Variants in TSPAN5 observed in about 807,000 individuals in gnomAD.
TSPAN5 encodes tetraspanin 5, also known as tetraspanin-5.
Under a neutral mutation model 37.1 loss-of-function variants are expected in TSPAN5, and 10 were observed. That is an observed-to-expected ratio of 0.27 (90% CI 0.17 to 0.46). The LOEUF is 0.46. Among genes scored for constraint, TSPAN5 ranks in the 20% least tolerant of loss-of-function variants. TSPAN5 has a pLI of 1.00. For missense variants in TSPAN5, 195 were observed against 326.6 expected (o/e 0.60, Z 3.11); for synonymous variants, 110 against 118.9 (o/e 0.93, Z 0.48).
At chr4:98,653,540 C>T (rs1757234905) in intron 1 of TSPAN5, among the ~76,000 whole-genome samples, 2 of 152,082 alleles carry the variant, frequency 1.3e-5, no homozygotes, top group Admixed American at 1.3e-4. Flanking sequence ...TCTATTGAAT[C>T]CATTTGCCTC....
chr4:98,592,522 G>C (rs1267198164), intron 1 of TSPAN5, among the ~76,000 whole-genome samples: 2 of 145,898 alleles, frequency 1.4e-5, no homozygotes, highest in Admixed American at 7.0e-5. Flanking sequence ...TGCCATGCTG[G>C]TGCGCTGCAC....
chr4:98,539,263 G>A (rs1424393358), intron 1 of TSPAN5, among the ~76,000 whole-genome samples: 1 of 151,986 alleles, frequency 6.6e-6, no homozygotes. Context: ...ACAAATCTCT[G>A]TTTCTTATTT....
At chr4:98,628,468 GTTTAA>G (rs996630117) in intron 1 of TSPAN5, among the ~76,000 whole-genome samples, 4 of 152,052 alleles carry the variant, frequency 2.6e-5, no homozygotes, top group Non-Finnish European at 2.9e-5. Flanking sequence ...CCTGGTATTG[GTTTAA>G]TTTGAATTTT....
intron 1 of TSPAN5, among the ~76,000 whole-genome samples, chr4:98,594,132 T>G (rs1755710840): frequency 8.6e-6 from 1 of 116,478 alleles, no homozygotes; most frequent in Non-Finnish European, 1.7e-5. Context: ...TGGTTTGTAG[T>G]TCTCCTTGAA....
intron 1 of TSPAN5, among the ~76,000 whole-genome samples, chr4:98,610,683 T>C (rs1756161876): frequency 6.6e-6 from 1 of 152,186 alleles, no homozygotes; most frequent in Non-Finnish European, 1.5e-5. Flanking sequence ...GAGCTGCCTA[T>C]TCATTTAGGG....
intron 1 of TSPAN5, among the ~76,000 whole-genome samples, chr4:98,533,012 A>C (rs992880737): frequency 2.6e-5 from 4 of 152,172 alleles, no homozygotes; most frequent in Admixed American, 2.0e-4. Flanking sequence ...TGTATGTTGA[A>C]CCAGCCTTGC....
At chr4:98,577,173 A>C (rs1214385061) in intron 1 of TSPAN5, among the ~76,000 whole-genome samples, 1 of 152,070 alleles carries the variant, frequency 6.6e-6, no homozygotes, top group Non-Finnish European at 1.5e-5. Flanking sequence ...ATTTGAGAAA[A>C]AATTATTCAT....
intron 1 of TSPAN5, among the ~76,000 whole-genome samples, chr4:98,625,047 A>G (rs1022400863): frequency 6.6e-6 from 1 of 152,240 alleles, no homozygotes; most frequent in African/African-American, 2.4e-5. Context: ...AATGATAATA[A>G]CAACAACAAT....
At position 98,486,814 on chromosome 4, in the gene TSPAN5, A is replaced by C; in HGVS notation, c.203T>G (p.Val68Gly). The C allele has an allele frequency of 6.2e-7, 1 of 1,614,094 alleles. No homozygotes were observed. The highest frequency in any genetic ancestry group is 8.5e-7 in the Non-Finnish European group (1 of 1,180,008). The change falls in exon 3 of 8, where the codon GTG becomes GGG. Residue 68 changes from valine to glycine, a missense_variant. By Grantham distance (109) the Val-to-Gly change is moderately radical. Transcript: ENST00000305798. ...GFDPVWLFLV[V>G]GGVMFILGFA... ...TCCCAAAATGAACATCACTCCTCCCACCACAAGGAAGAGCCAAACTGGGTC... is the reference window on the plus strand; with the variant it reads ...TCCCAAAATGAACATCACTCCTCCCCCCACAAGGAAGAGCCAAACTGGGTC...
rs559209930 is a variant in TSPAN5, at chr4:98,589,622, A to G, written c.81+68524T>C. Among the ~76,000 whole-genome samples the G allele has an allele frequency of 2.6e-5, 4 of 152,344 alleles. No individual in the cohort carries two copies. The East Asian group carries it at 7.7e-4, about 29-fold the overall frequency. ...CTTTTCTCCAACTGCCTAGACCCAC[A>G]ACCCGGAACTGGCACGCCAGCTACG... On this transcript the variant is annotated intron_variant, in intron 1 of 7. Transcript: ENST00000305798.
intron 1 of TSPAN5, among the ~76,000 whole-genome samples, chr4:98,531,322 T>C (rs999649671): frequency 2.0e-5 from 3 of 152,182 alleles, no homozygotes; most frequent in Non-Finnish European, 4.4e-5. Context: ...ATGCAGTGTT[T>C]GGTTTTCTGT....
chr4:98,621,228 A>T (rs1447935291), intron 1 of TSPAN5, among the ~76,000 whole-genome samples: 1 of 152,112 alleles, frequency 6.6e-6, no homozygotes, highest in Non-Finnish European at 1.5e-5. Flanking sequence ...CCCTACAACC[A>T]TCAGTAGAAA....
rs199885151 is a variant in TSPAN5 at position 98,551,491 on chromosome 4, T to TC, written c.82-43764dup. 1.9e-4 allele frequency among the ~76,000 whole-genome samples: 16 copies of TC among 85,744 alleles called. 1 individual carries two copies. The highest frequency in any genetic ancestry group is 6.6e-4 in the African/African-American group (12 of 18,302). 56.3% of individuals were successfully genotyped at this position (85,744 alleles called of 152,430 possible). On this transcript the variant is annotated intron_variant, in intron 1 of 7. Coordinates refer to ENST00000305798, the MANE Select transcript of TSPAN5 (RefSeq NM_005723.4). ...TTGTATGGTTTTTTCCTTTTTCTTT[T>TC]CTTTTTTTTTTTTTTTTTGAGATGG...
chr4:98,640,120 C>A (rs770636837), intron 1 of TSPAN5, among the ~76,000 whole-genome samples: 1 of 151,658 alleles, frequency 6.6e-6, no homozygotes, highest in Non-Finnish European at 1.5e-5. Flanking sequence ...CCATAAAAAT[C>A]GTTTGCAACA....
At chr4:98,534,921 G>A (rs898506310) in intron 1 of TSPAN5, among the ~76,000 whole-genome samples, 8 of 152,108 alleles carry the variant, frequency 5.3e-5, no homozygotes, top group Non-Finnish European at 1.2e-4. Context: ...GAGCCTATGT[G>A]TGTCTTTGCA....
intron 5 of TSPAN5, among the ~76,000 whole-genome samples, chr4:98,477,847 A>G (rs904184022): frequency 2.0e-5 from 3 of 151,604 alleles, no homozygotes; most frequent in African/African-American, 7.3e-5. Flanking sequence ...TTTTGTAGAG[A>G]TGGGGTCTCA....
At chr4:98,484,295 A>AGT in intron 3 of TSPAN5, 1 of 376,614 alleles carries the variant, frequency 2.7e-6, no homozygotes, top group South Asian at 2.0e-5. Flanking sequence ...TCCATTTTGC[A>AGT]GTATCTTAGT....
At chr4:98,561,520 A>G (rs1207021772) in intron 1 of TSPAN5, among the ~76,000 whole-genome samples, 1 of 152,262 alleles carries the variant, frequency 6.6e-6, no homozygotes, top group Non-Finnish European at 1.5e-5. Context: ...AAGTAGGTCA[A>G]TAAGTAATTG....
intron 5 of TSPAN5, among the ~76,000 whole-genome samples, chr4:98,477,791 T>C (rs973100143): frequency 6.6e-6 from 1 of 151,960 alleles, no homozygotes; most frequent in Non-Finnish European, 1.5e-5. Context: ...CCAGAGTAGA[T>C]GGGACCACGG....
Sources: allele counts gnomAD v4.1 joint callset (sites outside exome capture counted in the v4.1 genomes callset), GRCh38; gene constraint gnomAD v4.1.1; transcripts MANE v1.5; gene names NCBI Gene and HGNC (gene_info 2026-07-23, HGNC 2026-07-21).